PCDH15: variants seen among roughly 807,000 people sequenced by gnomAD.
PCDH15 encodes protocadherin-15.
A neutral mutation model predicts 178.5 loss-of-function variants in PCDH15; 129 were observed. The ratio of observed to expected loss-of-function variants is 0.72; its 90% CI spans 0.63 to 0.84. The LOEUF is 0.84. Ranked by LOEUF, PCDH15 falls within the 40% of genes least tolerant of loss-of-function variation. The pLI, the probability that PCDH15 is intolerant of heterozygous loss-of-function variation, is 0.00. For synonymous variants in PCDH15, 800 were observed against 732.0 expected, an observed-to-expected ratio of 1.09 and a Z score of -1.50; for missense variants, 2,230 against 2,099.9, an observed-to-expected ratio of 1.06 and a Z score of -1.21.
At chr10:55,110,195 G>C (rs10763183) in intron 2 of PCDH15, among the ~76,000 whole-genome samples, 12,700 of 151,892 alleles carry the variant, frequency 0.084, 658 homozygotes, top group East Asian at 0.26. Context: ...TATATGTTTT[G>C]TGTCCTTGCT....
chr10:54,595,808 C>A (rs1266015321), intron 2 of PCDH15, among the ~76,000 whole-genome samples: 1 of 152,020 alleles, frequency 6.6e-6, no homozygotes, highest in African/African-American at 2.4e-5. Context: ...AAACACTCTA[C>A]AAGAATTTCA....
intron 3 of PCDH15, among the ~76,000 whole-genome samples, chr10:54,821,158 G>A (rs921596807): frequency 6.6e-6 from 1 of 151,842 alleles, no homozygotes; most frequent in South Asian, 2.1e-4. Context: ...TGACACATAC[G>A]TCTTTTTCAT....
intron 3 of PCDH15, among the ~76,000 whole-genome samples, chr10:54,435,716 A>G (rs1233165477): frequency 6.6e-6 from 1 of 152,124 alleles, no homozygotes; most frequent in East Asian, 1.9e-4. Flanking sequence ...CACGCCTGTA[A>G]TTTCAGCACT....
intron 21 of PCDH15, among the ~76,000 whole-genome samples, chr10:53,972,100 A>G (rs1358469231): frequency 2.0e-5 from 3 of 152,172 alleles, no homozygotes; most frequent in South Asian, 4.1e-4. Context: ...ATATAGGCCA[A>G]TGGAACAGAA....
Position 55,008,889 on chromosome 10 carries a change from AAC to A in PCDH15, c.-79-111391_-79-111390del, listed in dbSNP as rs869158967. Among the ~76,000 whole-genome samples the A allele has an allele frequency of 3.7e-4, 42 of 115,012 alleles. 1 individual carries two copies. In the South Asian group the frequency reaches 7.3e-3, roughly 20 times the overall value. The allele number at this position is 115,012 out of a possible 152,430, so 75.5% of individuals were successfully genotyped here. On this transcript the variant is annotated intron_variant, in intron 2 of 5. Coordinates refer to the PCDH15 transcript ENST00000458638. ...GCCCATTCCTTGATCTTGTTTAAAA[AAC>A]AAAAACAAAAACAAAAACAAAAAAA... is the stretch of plus-strand genomic sequence containing the variant.
intron 21 of PCDH15, among the ~76,000 whole-genome samples, chr10:53,977,508 T>G (rs1020569224): frequency 6.6e-6 from 1 of 152,190 alleles, no homozygotes. Flanking sequence ...GCTGCCAAGA[T>G]GTATAACACA....
intron 2 of PCDH15, among the ~76,000 whole-genome samples, chr10:54,936,232 T>C (rs540138069): frequency 1.3e-5 from 2 of 152,102 alleles, no homozygotes; most frequent in African/African-American, 2.4e-5. Context: ...TTTATTGCCA[T>C]ATTAAATTTC....
At chr10:54,179,301 C>T (rs1321445698) in intron 13 of PCDH15, among the ~76,000 whole-genome samples, 1 of 151,214 alleles carries the variant, frequency 6.6e-6, no homozygotes, top group Non-Finnish European at 1.5e-5. Flanking sequence ...TCATCATTCT[C>T]AGTAAACTAT....
chr10:54,447,063 T>C (rs2076184011), intron 3 of PCDH15, among the ~76,000 whole-genome samples: 1 of 151,684 alleles, frequency 6.6e-6, no homozygotes, highest in East Asian at 1.9e-4. Flanking sequence ...TCTCTTATTG[T>C]TAAGACATAT....
chr10:55,275,696 C>T (rs911477619), intron 1 of PCDH15, among the ~76,000 whole-genome samples: 2 of 147,736 alleles, frequency 1.4e-5, no homozygotes, highest in Non-Finnish European at 1.5e-5. Context: ...ATCAGTAGGA[C>T]TTGTCTCTCT....
intron 1 of PCDH15, among the ~76,000 whole-genome samples, chr10:54,694,838 G>A (rs2095192870): frequency 6.6e-6 from 1 of 152,096 alleles, no homozygotes; most frequent in Non-Finnish European, 1.5e-5. Context: ...TCAAATGAAA[G>A]GAGGAGTCCC....
chr10:54,103,569 C>T (rs536987378), intron 15 of PCDH15, among the ~76,000 whole-genome samples: 47 of 152,234 alleles, frequency 3.1e-4, no homozygotes, highest in Admixed American at 1.3e-3. Context: ...GGTATATCTT[C>T]AGGACCCACC....
intron 2 of PCDH15, among the ~76,000 whole-genome samples, chr10:55,069,354 G>A (rs1841659873): frequency 2.1e-5 from 3 of 144,208 alleles, no homozygotes; most frequent in Admixed American, 1.4e-4. Context: ...GTATACATGT[G>A]CCATGCTGGT....
At chr10:53,965,127 C>T (rs750922851) in intron 21 of PCDH15, among the ~76,000 whole-genome samples, 2 of 151,604 alleles carry the variant, frequency 1.3e-5, no homozygotes, top group Non-Finnish European at 2.9e-5. Flanking sequence ...GCACGATCTC[C>T]GCTCACTGCA....
chr10:55,473,929 C>T (rs764323763), intron 2 of PCDH15, among the ~76,000 whole-genome samples: 4 of 151,974 alleles, frequency 2.6e-5, no homozygotes, highest in Admixed American at 1.3e-4. Context: ...ATTGTTAAAC[C>T]TATTTAAGTA....
intron 1 of PCDH15, among the ~76,000 whole-genome samples, chr10:54,693,275 G>T (rs1358743201): frequency 6.6e-6 from 1 of 151,508 alleles, no homozygotes; most frequent in Non-Finnish European, 1.5e-5. Context: ...TTTCCTGAAA[G>T]TAAGTTACAC....
chr10:54,686,838 G>A (rs1348135386), intron 1 of PCDH15, among the ~76,000 whole-genome samples: 1 of 152,086 alleles, frequency 6.6e-6, no homozygotes, highest in Non-Finnish European at 1.5e-5. Context: ...GAGGCATTTT[G>A]CCTTAACAGA....
chr10:54,220,748 C>T (rs113530184), intron 9 of PCDH15, among the ~76,000 whole-genome samples: 1 of 151,836 alleles, frequency 6.6e-6, no homozygotes, highest in African/African-American at 2.4e-5. Flanking sequence ...TGGAGTGAAC[C>T]CAGGAGGCGG....
intron 2 of PCDH15, among the ~76,000 whole-genome samples, chr10:55,528,561 A>AT (rs1178695996): frequency 1.3e-5 from 2 of 152,098 alleles, no homozygotes; most frequent in East Asian, 3.9e-4. Context: ...TGAACTCATC[A>AT]TTTTTTATGG....
Sources: gnomAD v4.1 joint callset for allele counts (sites outside exome capture counted in the v4.1 genomes callset) on GRCh38, gnomAD v4.1.1 for gene constraint, MANE v1.5 for transcripts, NCBI Gene and HGNC (gene_info 2026-07-23, HGNC 2026-07-21) for gene names.